Variants in RC3H1 observed in about 807,000 individuals in gnomAD.
RC3H1 encodes the protein ring finger and CCCH-type domains 1, also known as roquin-1.
A neutral mutation model predicts 138.2 loss-of-function variants in RC3H1; 50 were observed. The observed-to-expected ratio is 0.36, with a 90% CI of 0.29 to 0.46. The LOEUF is 0.46. RC3H1 is among the 20% of genes least tolerant of loss of function. RC3H1 has a pLI of 1.00. For synonymous variants in RC3H1, 462 were observed against 489.1 expected (o/e 0.94, Z 0.73); for missense variants, 1,031 against 1,388.1 (o/e 0.74, Z 4.09).
chr1:173,994,736 G>A (rs1158552328), intron 1 of RC3H1, among the ~76,000 whole-genome samples: 2 of 148,826 alleles, frequency 1.3e-5, no homozygotes, highest in Non-Finnish European at 3.0e-5. Context: ...GTTTGAGGCT[G>A]CAGTGAGCTA....
intron 14 of RC3H1, among the ~76,000 whole-genome samples, chr1:173,949,739 T>C (rs1659304222): frequency 1.3e-5 from 2 of 152,224 alleles, no homozygotes; most frequent in Non-Finnish European, 1.5e-5. Flanking sequence ...AGAATGTTTG[T>C]TGGAGTACCA....
At chr1:174,008,650 T>G (rs1450366451) in intron 1 of RC3H1, among the ~76,000 whole-genome samples, 1 of 152,132 alleles carries the variant, frequency 6.6e-6, no homozygotes, top group Non-Finnish European at 1.5e-5. Context: ...TATCTTTATA[T>G]AAAGCGGTTT....
At chr1:174,015,672 T>TA (rs1661849353) in intron 1 of RC3H1, among the ~76,000 whole-genome samples, 3 of 147,940 alleles carry the variant, frequency 2.0e-5, no homozygotes, top group Admixed American at 6.8e-5. Context: ...GCCTCATATT[T>TA]TATATATATA....
chr1:173,999,477 C>A (rs1222106189), intron 1 of RC3H1, among the ~76,000 whole-genome samples: 15 of 152,070 alleles, frequency 9.9e-5, no homozygotes, highest in African/African-American at 3.6e-4. Flanking sequence ...TTTGTAGATA[C>A]CAAACTCCAA....
chr1:173,975,655 T>C (rs1660543972), intron 7 of RC3H1, among the ~76,000 whole-genome samples: 1 of 109,338 alleles, frequency 9.1e-6, no homozygotes, highest in Non-Finnish European at 1.6e-5. Context: ...TCCCAGCACT[T>C]TGGGAGGCCG....
In RC3H1 at chr1:173,931,231, A is replaced by G. The variant is rs1254615923; in HGVS notation, c.*7490T>C. ...TACACACGTTCCTCATTAATTTATCATTTAATATAAATGCTGACAGAAAGC... is the reference window on the plus strand; with the variant it reads ...TACACACGTTCCTCATTAATTTATCGTTTAATATAAATGCTGACAGAAAGC... On this transcript the variant is annotated 3_prime_UTR_variant, in exon 20 of 20. Coordinates refer to ENST00000367696, the MANE Select transcript of RC3H1 (RefSeq NM_172071.4). 6.6e-6 allele frequency: 1 copy of G among 152,238 alleles called. No individual in the cohort carries two copies. Among genetic ancestry groups the G allele is most frequent in the East Asian group, 1.9e-4 (1 of 5,198 alleles). The allele number at this position is 152,238 out of a possible 1,614,324, so 9.4% of individuals were successfully genotyped here. A position where few individuals can be genotyped will look rare whatever the true frequency, so the allele number is the denominator to read the frequency against.
intron 19 of RC3H1, among the ~76,000 whole-genome samples, chr1:173,941,055 C>G (rs144254028): frequency 4.6e-5 from 7 of 151,988 alleles, no homozygotes; most frequent in Non-Finnish European, 7.4e-5. Context: ...CTCTTGACCT[C>G]GTGATCTGCC....
At chr1:173,988,026 A>T (rs1033066693) in intron 2 of RC3H1, among the ~76,000 whole-genome samples, 2 of 152,306 alleles carry the variant, frequency 1.3e-5, no homozygotes, top group Middle Eastern at 3.4e-3. Context: ...CTTATAGATA[A>T]TATCTTTCTC....
At position 173,983,623 on chromosome 1, in the gene RC3H1, C is replaced by T; in HGVS notation, c.387G>A (p.Leu129=). Residue 129 remains leucine, a synonymous_variant, in exon 4 of 20, where the codon CTG becomes CTA. Coordinates refer to ENST00000367696, the MANE Select transcript of RC3H1 (RefSeq NM_172071.4). ...CAAGCTTCCTCTGCATTGGGCGACTCAGAACACTCTGAGTAGTGCTGTTCA... is the reference window on the plus strand; with the variant it reads ...CAAGCTTCCTCTGCATTGGGCGACTTAGAACACTCTGAGTAGTGCTGTTCA... ...VGLNSTTQSV[L]SRPMQRKLVT... 6.2e-7 allele frequency: 1 copy of T among 1,614,142 alleles called. No individual in the cohort carries two copies. Among genetic ancestry groups the T allele is most frequent in the Non-Finnish European group, 8.5e-7 (1 of 1,180,022 alleles).
intron 1 of RC3H1, among the ~76,000 whole-genome samples, chr1:174,014,688 T>C (rs1288770079): frequency 6.6e-6 from 1 of 152,214 alleles, no homozygotes; most frequent in African/African-American, 2.4e-5. Context: ...TCAGGTACTA[T>C]ACTAAAGATA....
At chr1:173,970,257 G>A (rs1660298480) in intron 9 of RC3H1, among the ~76,000 whole-genome samples, 1 of 152,154 alleles carries the variant, frequency 6.6e-6, no homozygotes, top group Admixed American at 6.5e-5. Context: ...TTTTGTGCAT[G>A]AAGTTTTGAC....
intron 8 of RC3H1, 110 bp from the exon 9 acceptor site, chr1:173,970,727 T>C: frequency 3.1e-6 from 2 of 636,780 alleles, no homozygotes; most frequent in South Asian, 2.3e-5. Context: ...TTCACATATT[T>C]ATTTAGATTA....
intron 2 of RC3H1, among the ~76,000 whole-genome samples, chr1:173,989,772 T>C (rs971673033): frequency 2.0e-5 from 3 of 146,976 alleles, no homozygotes; most frequent in South Asian, 2.2e-4. Context: ...CAGGCCGGAT[T>C]GCGGACTGCA....
intron 8 of RC3H1, among the ~76,000 whole-genome samples, chr1:173,971,293 C>T (rs1181044128): frequency 6.6e-6 from 1 of 152,060 alleles, no homozygotes; most frequent in East Asian, 1.9e-4. Context: ...AAAAAACAAA[C>T]CACTGTAGTT....
At chr1:173,947,135 G>A (rs1659170876) in intron 15 of RC3H1, among the ~76,000 whole-genome samples, 1 of 152,262 alleles carries the variant, frequency 6.6e-6, no homozygotes, top group South Asian at 2.1e-4. Flanking sequence ...TGGGGTGGGG[G>A]TGGAGTGGGG....
chr1:174,018,108 T>C (rs1205830436), intron 1 of RC3H1, among the ~76,000 whole-genome samples: 2 of 152,002 alleles, frequency 1.3e-5, no homozygotes, highest in Non-Finnish European at 2.9e-5. Context: ...ACCAAGGAGT[T>C]TGAGGCTGAA....
At chr1:173,976,135 AAG>A (rs1300329254) in intron 7 of RC3H1, among the ~76,000 whole-genome samples, 7 of 151,642 alleles carry the variant, frequency 4.6e-5, no homozygotes, top group African/African-American at 1.5e-4. Flanking sequence ...CATTTCAAGG[AAG>A]AGAGAGTACA....
At chr1:174,014,568 T>G (rs961631006) in intron 1 of RC3H1, among the ~76,000 whole-genome samples, 8 of 152,226 alleles carry the variant, frequency 5.3e-5, no homozygotes, top group African/African-American at 1.9e-4. Context: ...TATATGTAGC[T>G]TCTATATTAA....
At chr1:173,944,302 T>C (rs1220445493) in intron 17 of RC3H1, among the ~76,000 whole-genome samples, 1 of 152,176 alleles carries the variant, frequency 6.6e-6, no homozygotes, top group Non-Finnish European at 1.5e-5. Flanking sequence ...GAAACCTCAG[T>C]AATGGCAAGG....
Sources: gnomAD v4.1 joint callset for allele counts (sites outside exome capture counted in the v4.1 genomes callset) on GRCh38, gnomAD v4.1.1 for gene constraint, MANE v1.5 for transcripts, NCBI Gene and HGNC (gene_info 2026-07-23, HGNC 2026-07-21) for gene names.